The following KLHL5 variants were observed in gnomAD, a reference collection of about 807,000 sequenced individuals.
The protein encoded by KLHL5 is kelch-like protein 5.
Under a neutral mutation model 77.7 loss-of-function variants are expected in KLHL5, and 48 were observed. The ratio of observed to expected loss-of-function variants is 0.62; its 90% CI spans 0.49 to 0.79. The LOEUF (loss-of-function observed/expected upper bound fraction) is 0.79. Among genes scored for constraint, KLHL5 ranks in the 30% least tolerant of loss-of-function variants. The pLI is 0.00. For missense variants in KLHL5, 723 were observed against 859.7 expected (o/e 0.84, Z 1.99); for synonymous variants, 260 against 297.0 (o/e 0.88, Z 1.28).
chr4:39,047,707 G>C (rs1015483148), intron 1 of KLHL5, among the ~76,000 whole-genome samples: 13 of 152,240 alleles, frequency 8.5e-5, no homozygotes, highest in African/African-American at 3.1e-4. Context: ...CTATGAATTA[G>C]ACTAGGCATA....
In KLHL5 at chr4:39,063,013, G is replaced by C. The variant is rs1236152328; in HGVS notation, c.361G>C (p.Glu121Gln). ...VDDGTSEEENESDSSSCRTSN... is the reference protein window; with the variant it reads ...VDDGTSEEENQSDSSSCRTSN... ...TGATGGCACTAGTGAAGAAGAAAAT[G>C]AATCTGATTCCAGTTCATGCAGGTT... The change falls in exon 1 of 11, where the codon GAA becomes CAA. Residue 121 changes from glutamate (E) to glutamine (Q), a missense_variant. Glu to Gln is a conservative substitution (Grantham distance 29). Around this residue, in one of 3 missense-constraint regions of KLHL5, gnomAD observed 221 missense variants for 222.1 expected, o/e 1.00. Transcript: ENST00000504108. The C allele has an allele frequency of 8.1e-6, 13 of 1,612,744 alleles. No homozygotes were observed. Among genetic ancestry groups the C allele is most frequent in the Non-Finnish European group, 1.0e-5 (12 of 1,179,280 alleles).
chr4:39,108,152 CTT>C (rs567511441), intron 8 of KLHL5, among the ~76,000 whole-genome samples: 294 of 152,022 alleles, frequency 1.9e-3, no homozygotes, highest in African/African-American at 6.4e-3. Context: ...TTTATCTTGA[CTT>C]TTACCTCTTT....
intron 1 of KLHL5, among the ~76,000 whole-genome samples, chr4:39,066,513 T>C (rs1717904864): frequency 6.6e-6 from 1 of 152,190 alleles, no homozygotes; most frequent in Non-Finnish European, 1.5e-5. Flanking sequence ...GACATAAAAT[T>C]TTTCAACTTT....
At chr4:39,094,458 T>G (rs564935422) in intron 5 of KLHL5, among the ~76,000 whole-genome samples, 1 of 151,528 alleles carries the variant, frequency 6.6e-6, no homozygotes, top group Non-Finnish European at 1.5e-5. Context: ...AAATTTAAGT[T>G]CTTATTAGAA....
At chr4:39,097,857 A>G (rs1721202502) in intron 6 of KLHL5, among the ~76,000 whole-genome samples, 1 of 152,174 alleles carries the variant, frequency 6.6e-6, no homozygotes, top group Non-Finnish European at 1.5e-5. Flanking sequence ...CAGGCCAGCT[A>G]CTGTGGCTCA....
chr4:39,134,321 C>A, the KLHL5 span, among the ~76,000 whole-genome samples: 4 of 152,320 alleles, frequency 2.6e-5, no homozygotes, highest in East Asian at 5.8e-4. Flanking sequence ...GTTGAGTCAA[C>A]TTGATATGTG....
upstream of KLHL5, among the ~76,000 whole-genome samples, chr4:39,058,158 T>C (rs553441603): frequency 1.3e-5 from 2 of 152,294 alleles, no homozygotes; most frequent in South Asian, 4.1e-4. Context: ...AAAGCAAGGT[T>C]ATAAAATTAG....
In KLHL5 at chr4:39,113,261, C is replaced by A. The variant is rs1560440830; in HGVS notation, c.1901+29C>A. The A allele has an allele frequency of 2.5e-5, 38 of 1,538,826 alleles. No homozygotes were observed. The Admixed American group carries it at 2.7e-4, about 11-fold the overall frequency. On this transcript the variant is annotated intron_variant, in intron 9 of 10. Transcript: ENST00000504108. ...ATTTCCTGGGAAGAAAAACTAGGAA[C>A]AAAAAAGATATATATAAGTCTCTGA...
rs1365252584 is a variant in KLHL5, at chr4:39,123,132, A to G, written c.*2066A>G. ...GTTGCCAACAATTTAGATGACCTCG[A>G]TGAAAAAACACACCAATTGACAAAA... On this transcript the variant is annotated 3_prime_UTR_variant, in exon 11 of 11. Transcript: ENST00000504108. Among the ~76,000 whole-genome samples the G allele has an allele frequency of 6.6e-6, 1 of 152,190 alleles. No homozygotes were observed. The highest frequency in any genetic ancestry group is 1.5e-5 in the Non-Finnish European group (1 of 68,024).
At position 39,081,018 on chromosome 4, in the gene KLHL5, CAAAT is replaced by C. The variant is rs1719566621; in HGVS notation, c.567-81_567-78del. The C allele has an allele frequency of 1.7e-5, 23 of 1,372,324 alleles. No individual in the cohort carries two copies. The highest frequency in any genetic ancestry group is 7.0e-5 in the South Asian group (5 of 71,176). The allele number at this position is 1,372,324 out of a possible 1,614,324, so 85.0% of individuals were successfully genotyped here. On this transcript the variant is annotated intron_variant, in intron 2 of 10. Coordinates refer to ENST00000504108, the MANE Select transcript of KLHL5 (RefSeq NM_015990.5). The surrounding 1 kb of genome is among the most constrained non-coding windows in gnomAD (Gnocchi z 4.3). ...TCCTAGTACCATGCACTGTGAGTAACAAATAAAAAAGAAGCAGCAGCATTTATTA... is the reference window on the plus strand; with the variant it reads ...TCCTAGTACCATGCACTGTGAGTAACAAAAAAGAAGCAGCAGCATTTATTA...
chr4:39,131,017 A>T (rs375091581), downstream of KLHL5, among the ~76,000 whole-genome samples: 9 of 133,926 alleles, frequency 6.7e-5, no homozygotes, highest in East Asian at 2.2e-4. Flanking sequence ...AAATTTTTGT[A>T]TTTTTTTTTT....
the KLHL5 span, among the ~76,000 whole-genome samples, chr4:39,137,942 G>A: frequency 6.6e-6 from 1 of 152,056 alleles, no homozygotes; most frequent in Non-Finnish European, 1.5e-5. Context: ...AGACATACAT[G>A]CACCAAGAAT....
chr4:39,105,023 A>G (rs956030847), intron 7 of KLHL5, among the ~76,000 whole-genome samples: 6 of 152,076 alleles, frequency 3.9e-5, no homozygotes, highest in Non-Finnish European at 7.4e-5. Flanking sequence ...TCAGCCTCCC[A>G]AAGTGCTGGG....
At position 39,081,732 on chromosome 4, in the gene KLHL5, T is replaced by A. The variant is rs1028493174; in HGVS notation, c.704-231T>A. Among the ~76,000 whole-genome samples the A allele has an allele frequency of 5.3e-5, 8 of 152,182 alleles. No homozygotes were observed. Among genetic ancestry groups the A allele is most frequent in the Non-Finnish European group, 1.2e-4 (8 of 68,032 alleles). On this transcript the variant is annotated intron_variant, in intron 3 of 10. Coordinates refer to ENST00000504108, the MANE Select transcript of KLHL5 (RefSeq NM_015990.5). This position sits in a 1 kb window ranked among gnomAD's most constrained non-coding sequence, Gnocchi z 4.3. ...GTAGACATAAGTTACTAACGTATCA[T>A]TTTAAAATTCTGAAAATAAGCCATT... is the stretch of plus-strand genomic sequence containing the variant.
chr4:39,049,177 TCAGTA>T (rs940561414), intron 1 of KLHL5, among the ~76,000 whole-genome samples: 2 of 152,182 alleles, frequency 1.3e-5, no homozygotes, highest in Admixed American at 6.5e-5. Flanking sequence ...GCCAAATATG[TCAGTA>T]CAGTATTCTA....
chr4:39,062,431 G>A lies in KLHL5; in HGVS notation c.-222G>A, dbSNP rs553488040. On this transcript the variant is annotated 5_prime_UTR_variant, in exon 1 of 11. An upstream start codon of the reference 5' UTR is lost. Transcript: ENST00000504108. ...AGAGTTTGCTCTGATTGAACGGAAT[G>A]TTCCACCGTGTTTCATCTTTATTCA... The A allele has an allele frequency of 6.6e-7, 1 of 1,514,546 alleles. No individual in the cohort carries two copies. Among genetic ancestry groups the A allele is most frequent in the South Asian group, 1.3e-5 (1 of 74,490 alleles). The allele number at this position is 1,514,546 out of a possible 1,614,324, so 93.8% of individuals were successfully genotyped here.
chr4:39,069,846 G>A (rs1329017969), intron 1 of KLHL5, among the ~76,000 whole-genome samples: 1 of 151,988 alleles, frequency 6.6e-6, no homozygotes, highest in African/African-American at 2.4e-5. Flanking sequence ...ACAAAAACTA[G>A]AAATTTTCGG....
chr4:39,115,986 C>A (rs1722805049), intron 10 of KLHL5: 1 of 985,640 alleles, frequency 1.0e-6, no homozygotes, highest in Non-Finnish European at 1.2e-6. Flanking sequence ...AAATGTTTAA[C>A]TGAGCCAAGA....
At chr4:39,128,613 A>G (rs115481413), downstream of KLHL5, among the ~76,000 whole-genome samples, 42 of 152,338 alleles carry the variant, frequency 2.8e-4, no homozygotes, top group African/African-American at 9.9e-4. Context: ...GAATAAATAA[A>G]GTAATAACAA....
Sources: allele counts gnomAD v4.1 joint callset (sites outside exome capture counted in the v4.1 genomes callset), GRCh38; gene constraint gnomAD v4.1.1; regional missense constraint gnomAD v4.1.1; non-coding constraint Gnocchi (gnomAD v3.1); transcripts MANE v1.5; gene names NCBI Gene and HGNC (gene_info 2026-07-23, HGNC 2026-07-21).